The following RRBP1 variants were observed in gnomAD, a reference collection of about 807,000 sequenced individuals.
RRBP1 encodes ribosome-binding protein 1.
A neutral mutation model predicts 165.2 loss-of-function variants in RRBP1; 94 were observed. The ratio of observed to expected loss-of-function variants is 0.57; its 90% confidence interval spans 0.48 to 0.68. RRBP1 has a LOEUF of 0.68. Among genes scored for constraint, RRBP1 ranks in the 30% least tolerant of loss-of-function variants. RRBP1 has a pLI of 0.00. For missense variants in RRBP1, 1,676 were observed against 1,763.0 expected (o/e 0.95, Z 0.88); for synonymous variants, 680 against 714.5 (o/e 0.95, Z 0.77).
Position 17,628,264 on chromosome 20 carries a change from T to A in RRBP1, c.2750-582A>T, listed in dbSNP as rs372045269. ...CTCTCCCCAACCCCAGGCTCTGCCATCTGCCTCTTCTAAATGAAGCTCTAG... is the reference window on the plus strand; with the variant it reads ...CTCTCCCCAACCCCAGGCTCTGCCAACTGCCTCTTCTAAATGAAGCTCTAG... On this transcript the variant is annotated intron_variant, in intron 9 of 24. Transcript: ENST00000377813. Among the ~76,000 whole-genome samples, 3 of 152,274 alleles carry A rather than the reference T, an allele frequency of 2.0e-5. No individual in the cohort carries two copies. The South Asian group carries it at 6.2e-4, about 32-fold the overall frequency.
chr20:17,670,455 C>A (rs1315533429), intron 2 of RRBP1, among the ~76,000 whole-genome samples: 6 of 130,380 alleles, frequency 4.6e-5, no homozygotes, highest in Non-Finnish European at 9.8e-5. Flanking sequence ...AAAAAAAAAA[C>A]AGTAACACAC....
chr20:17,664,916 C>T (rs1478179020), intron 2 of RRBP1, among the ~76,000 whole-genome samples: 2 of 152,190 alleles, frequency 1.3e-5, no homozygotes, highest in Non-Finnish European at 2.9e-5. Context: ...GAGACCCTAG[C>T]AGACATGGCT....
At chr20:17,629,421 C>A (rs1424352270) in intron 9 of RRBP1, among the ~76,000 whole-genome samples, 1 of 152,226 alleles carries the variant, frequency 6.6e-6, no homozygotes, top group African/African-American at 2.4e-5. Flanking sequence ...AGGCCCAGAA[C>A]ACACATTTAG....
In RRBP1 at chr20:17,633,631, G is replaced by A. The variant is rs2036194764; in HGVS notation, c.2457-18C>T. ...CGTTCTGCCTGCAAGACAGTCACCA[G>A]CCCGACTAATGGAAAGAAAAGGGTG... On this transcript the variant is annotated intron_variant, in intron 7 of 24. Transcript: ENST00000377813. 2 of 1,612,376 alleles carry A rather than the reference G, an allele frequency of 1.2e-6. No homozygotes were observed. The highest frequency in any genetic ancestry group is 8.5e-7 in the Non-Finnish European group (1 of 1,179,190).
chr20:17,670,268 A>C (rs1049433906), intron 2 of RRBP1, among the ~76,000 whole-genome samples: 1 of 152,220 alleles, frequency 6.6e-6, no homozygotes, highest in African/African-American at 2.4e-5. Context: ...AAAACGATTT[A>C]GTCATACATA....
Position 17,637,337 on chromosome 20 carries a change from G to C in RRBP1, c.2185-608C>G, listed in dbSNP as rs957634188. Among the ~76,000 whole-genome samples, 19 of 152,188 alleles carry C rather than the reference G, an allele frequency of 1.2e-4. No homozygotes were observed. In the East Asian group the frequency reaches 3.1e-3, roughly 25 times the overall value. On this transcript the variant is annotated intron_variant, in intron 5 of 24. Coordinates refer to ENST00000377813, the MANE Select transcript of RRBP1 (RefSeq NM_001365613.2). ...GGGTCCGGCGTCTCCAGCAGGGACA[G>C]AGCAGGATGGGAAGGCTGGCCATGG... is the stretch of plus-strand genomic sequence containing the variant.
chr20:17,627,451 A>C lies in RRBP1; in HGVS notation c.2928+53T>G, dbSNP rs2036049093. On this transcript the variant is annotated intron_variant, in intron 10 of 24. Transcript: ENST00000377813. ...CTCACGCAGCGGGGCTAGTCCACCCACCTGCTAGATGGAGTTCCCTTTCCT... is the reference window on the plus strand; with the variant it reads ...CTCACGCAGCGGGGCTAGTCCACCCCCCTGCTAGATGGAGTTCCCTTTCCT... The C allele has an allele frequency of 2.4e-5, 38 of 1,609,246 alleles. No individual in the cohort carries two copies. In the South Asian group the frequency reaches 4.1e-4, roughly 17 times the overall value.
intron 7 of RRBP1, 141 bp downstream of exon 7, chr20:17,635,405 G>A: frequency 1.6e-6 from 1 of 637,054 alleles, no homozygotes; most frequent in East Asian, 2.9e-5. Flanking sequence ...ACCCAGACGG[G>A]AGATGGAAGG....
In RRBP1 at chr20:17,659,339, T is replaced by C. The variant is rs570914870; in HGVS notation, c.1169A>G (p.Lys390Arg). ...KKAEGAQNQG[K>R]KVEGAQNQGK... ...CTGGTTCTGGGCCCCTTCTACTTTT[T>C]TGCCCTGGTTCTGAGCCCCCTCGGC... The change falls in exon 3 of 25, where the codon AAA becomes AGA. Residue 390 changes from lysine to arginine, a missense_variant. Physicochemically the swap from Lys to Arg is conservative, Grantham distance 26. Around this residue, in one of 5 missense-constraint regions of RRBP1, gnomAD observed 78 missense variants for 115.6 expected, o/e 0.67. Coordinates refer to ENST00000377813, the MANE Select transcript of RRBP1 (RefSeq NM_001365613.2). The C allele has an allele frequency of 9.4e-5, 145 of 1,537,080 alleles. No homozygotes were observed. The highest frequency in any genetic ancestry group is 6.7e-4 in the Middle Eastern group (4 of 5,928).
rs115023027 is a variant in RRBP1 at position 17,640,860 on chromosome 20, T to C, written c.2184+937A>G. Among the ~76,000 whole-genome samples the C allele has an allele frequency of 7.2e-3, 1,089 of 152,302 alleles. 16 individuals carry two copies. The highest frequency in any genetic ancestry group is 0.025 in the African/African-American group (1,040 of 41,578). On this transcript the variant is annotated intron_variant, in intron 5 of 24. Coordinates refer to ENST00000377813, the MANE Select transcript of RRBP1 (RefSeq NM_001365613.2). Reference sequence around the variant, plus strand: ...GTAAGGCTGCCTTACTTCCAATTCTTTGTGCTCGAGCAGACAAAGGCACCC... The same window carrying C: ...GTAAGGCTGCCTTACTTCCAATTCTCTGTGCTCGAGCAGACAAAGGCACCC...
chr20:17,638,248 G>A (rs532558937), intron 5 of RRBP1, among the ~76,000 whole-genome samples: 15 of 152,348 alleles, frequency 9.8e-5, no homozygotes, highest in Admixed American at 9.1e-4. Context: ...AGAGGAGGCC[G>A]CTCTCTTTGC....
intron 1 of RRBP1, among the ~76,000 whole-genome samples, 158 bp downstream of exon 1, chr20:17,681,870 C>G (rs1261256230): frequency 6.7e-6 from 1 of 148,688 alleles, no homozygotes; most frequent in African/African-American, 2.4e-5. Context: ...ACCCCGACCC[C>G]GATGGTGCAC....
chr20:17,671,551 C>T (rs1272219583), intron 2 of RRBP1, among the ~76,000 whole-genome samples: 1 of 152,202 alleles, frequency 6.6e-6, no homozygotes, highest in African/African-American at 2.4e-5. Flanking sequence ...GTGATATCCA[C>T]TTCTCAGAAT....
chr20:17,646,017 T>A (rs1187961990), intron 3 of RRBP1, among the ~76,000 whole-genome samples: 1 of 152,088 alleles, frequency 6.6e-6, no homozygotes, highest in Non-Finnish European at 1.5e-5. Flanking sequence ...CTCACTTTGA[T>A]GGATAATCCA....
chr20:17,678,635 T>C (rs1165945357), intron 2 of RRBP1, among the ~76,000 whole-genome samples: 1 of 152,254 alleles, frequency 6.6e-6, no homozygotes, highest in Non-Finnish European at 1.5e-5. Flanking sequence ...CAGCACTGTC[T>C]AGAACTTTCT....
At chr20:17,680,589 G>C (rs940885669) in intron 1 of RRBP1, among the ~76,000 whole-genome samples, 1 of 152,012 alleles carries the variant, frequency 6.6e-6, no homozygotes, top group Non-Finnish European at 1.5e-5. Context: ...CAAGGTCCCA[G>C]CACTTCCCGG....
chr20:17,680,831 C>G (rs73262687), intron 1 of RRBP1, among the ~76,000 whole-genome samples: 1 of 152,102 alleles, frequency 6.6e-6, no homozygotes, highest in African/African-American at 2.4e-5. Context: ...GAACAGCCAA[C>G]ACTTGTGGCT....
At chr20:17,652,483 C>T (rs960069612) in intron 3 of RRBP1, among the ~76,000 whole-genome samples, 2 of 152,164 alleles carry the variant, frequency 1.3e-5, no homozygotes, top group African/African-American at 4.8e-5. Flanking sequence ...CTGCTCCACA[C>T]CGGTGATCTA....
chr20:17,639,885 C>T (rs1205256911), intron 5 of RRBP1, among the ~76,000 whole-genome samples: 4 of 122,998 alleles, frequency 3.3e-5, no homozygotes, highest in East Asian at 5.4e-4. Flanking sequence ...AACAGTGAAA[C>T]TCCAGTCTCA....
Sources: gnomAD v4.1 joint callset for allele counts (sites outside exome capture counted in the v4.1 genomes callset) on GRCh38, gnomAD v4.1.1 for gene constraint, gnomAD v4.1.1 regional missense constraint, MANE v1.5 for transcripts, NCBI Gene and HGNC (gene_info 2026-07-23, HGNC 2026-07-21) for gene names.